The following LGR5 variants were observed in gnomAD, a reference collection of about 807,000 sequenced individuals.
The protein encoded by LGR5 is leucine rich repeat containing G protein-coupled receptor 5, also known as leucine-rich repeat-containing G protein-coupled receptor 5.
LGR5 carries 54 observed loss-of-function variants against 76.7 expected under a neutral mutation model. The observed-to-expected ratio is 0.70, with a 90% CI of 0.57 to 0.88. LGR5 has a LOEUF of 0.88. Ranked by LOEUF, LGR5 falls within the 40% of genes least tolerant of loss-of-function variation. The pLI is 0.00. For synonymous variants in LGR5, 406 were observed against 421.9 expected (o/e 0.96, Z 0.46); for missense variants, 1,078 against 1,073.3 (o/e 1.00, Z -0.06).
Position 71,448,084 on chromosome 12 carries a change from A to AACACACACACACACACACACACACAC in LGR5, c.212+7796_212+7821dup, listed in dbSNP as rs35911721. 1.6e-4 allele frequency among the ~76,000 whole-genome samples: 24 copies of AACACACACACACACACACACACACAC among 145,676 alleles called. 1 individual carries two copies. The highest frequency in any genetic ancestry group is 8.9e-4 in the South Asian group (4 of 4,490). On this transcript the variant is annotated intron_variant, in intron 1 of 17. Transcript: ENST00000266674. ...TCCTCGTCTCCCTCACACACACACA[A>AACACACACACACACACACACACACAC]ACACACACACACACACACACACACA...
chr12:71,473,981 G>A (rs1037949124), intron 1 of LGR5, among the ~76,000 whole-genome samples: 3 of 152,060 alleles, frequency 2.0e-5, no homozygotes, highest in Non-Finnish European at 2.9e-5. Context: ...GCTGAGTGTC[G>A]AATATTACTG....
intron 16 of LGR5, chr12:71,582,182 T>C (rs931916761): frequency 8.6e-5 from 30 of 349,576 alleles, no homozygotes; most frequent in Non-Finnish European, 1.4e-4. Flanking sequence ...GGGGACATCA[T>C]GAGCTGCAGG....
chr12:71,446,938 G>A (rs533764266), intron 1 of LGR5, among the ~76,000 whole-genome samples: 105 of 152,280 alleles, frequency 6.9e-4, no homozygotes, highest in African/African-American at 2.2e-3. Context: ...CCAGAGTATT[G>A]TGAAGAGGGA....
At chr12:71,548,187 T>A (rs923439475) in intron 4 of LGR5, among the ~76,000 whole-genome samples, 6 of 152,188 alleles carry the variant, frequency 3.9e-5, no homozygotes, top group Non-Finnish European at 8.8e-5. Context: ...ATGGCCAAGA[T>A]GCCAAGATCA....
chr12:71,535,277 G>A, intron 4 of LGR5, 91 bp downstream of exon 4: 1 of 847,566 alleles, frequency 1.2e-6, no homozygotes, highest in Non-Finnish European at 2.0e-6. Context: ...ATGTTCCTTG[G>A]TTGGGAGTCA....
intron 1 of LGR5, among the ~76,000 whole-genome samples, chr12:71,498,131 G>A (rs566889070): frequency 6.6e-6 from 1 of 152,132 alleles, no homozygotes. Flanking sequence ...ACCTTTCAAT[G>A]AATGAGAATC....
rs748908441 is a variant in LGR5 at position 71,585,198 on chromosome 12, A to G, written c.*464A>G. ...CATTGCTAGGTAGAGGCTGTGATCC[A>G]TGGGATTTCATTCTAATGACCATGT... is the stretch of plus-strand genomic sequence containing the variant. On this transcript the variant is annotated 3_prime_UTR_variant, in exon 18 of 18. Coordinates refer to ENST00000266674, the MANE Select transcript of LGR5 (RefSeq NM_003667.4). 2.5e-4 allele frequency: 39 copies of G among 156,946 alleles called. No individual in the cohort carries two copies. The highest frequency in any genetic ancestry group is 4.5e-4 in the Non-Finnish European group (32 of 70,920). The allele number at this position is 156,946 out of a possible 1,614,324, so 9.7% of individuals were successfully genotyped here.
At chr12:71,488,443 G>T (rs979564938) in intron 1 of LGR5, among the ~76,000 whole-genome samples, 4 of 152,106 alleles carry the variant, frequency 2.6e-5, no homozygotes, top group African/African-American at 9.7e-5. Context: ...AAATAGTATG[G>T]TCCCTTTCAA....
chr12:71,568,343 C>A (rs1878446918), intron 11 of LGR5, among the ~76,000 whole-genome samples: 1 of 152,148 alleles, frequency 6.6e-6, no homozygotes, highest in Admixed American at 6.6e-5. Flanking sequence ...AGCTCAGTTT[C>A]CCAGTCTATA....
At chr12:71,538,379 G>A (rs1287956680) in intron 4 of LGR5, among the ~76,000 whole-genome samples, 1 of 152,170 alleles carries the variant, frequency 6.6e-6, no homozygotes, top group African/African-American at 2.4e-5. Flanking sequence ...AGCTGGGCAT[G>A]GTGGCCTGCG....
intron 8 of LGR5, 49 bp downstream of exon 8, chr12:71,561,901 A>G (rs1174855451): frequency 9.4e-7 from 1 of 1,068,034 alleles, no homozygotes; most frequent in Non-Finnish European, 1.4e-6. Context: ...AATATAGCAT[A>G]TATTATACTT....
chr12:71,467,227 C>T (rs1371356821), intron 1 of LGR5, among the ~76,000 whole-genome samples: 1 of 152,000 alleles, frequency 6.6e-6, no homozygotes, highest in African/African-American at 2.4e-5. Flanking sequence ...TGTACTTTCC[C>T]CAGGACTCTA....
intron 1 of LGR5, among the ~76,000 whole-genome samples, chr12:71,497,131 T>C (rs960380761): frequency 6.6e-6 from 1 of 151,646 alleles, no homozygotes; most frequent in Non-Finnish European, 1.5e-5. Flanking sequence ...CTGGGCAACA[T>C]AGTGAGACCT....
chr12:71,572,122 C>T (rs1485480760), intron 12 of LGR5, among the ~76,000 whole-genome samples: 3 of 147,984 alleles, frequency 2.0e-5, no homozygotes, highest in African/African-American at 5.0e-5. Flanking sequence ...CTCGCTCTGT[C>T]GCCCAGGCCG....
At chr12:71,443,626 G>C (rs1023492716) in intron 1 of LGR5, among the ~76,000 whole-genome samples, 1 of 152,130 alleles carries the variant, frequency 6.6e-6, no homozygotes, top group Non-Finnish European at 1.5e-5. Context: ...TCTTAGTATA[G>C]GTAAGTTATT....
At chr12:71,497,676 T>C (rs902374232) in intron 1 of LGR5, among the ~76,000 whole-genome samples, 6 of 152,200 alleles carry the variant, frequency 3.9e-5, no homozygotes, top group Admixed American at 3.9e-4. Flanking sequence ...CCAGCCAAGA[T>C]CCATTGTTGT....
At chr12:71,514,252 T>A (rs542761902) in intron 2 of LGR5, among the ~76,000 whole-genome samples, 2 of 152,204 alleles carry the variant, frequency 1.3e-5, no homozygotes, top group Non-Finnish European at 2.9e-5. Flanking sequence ...GGAATTAAAA[T>A]TGAACTTCCT....
In LGR5 at chr12:71,440,363, G is replaced by A; in HGVS notation, c.212+71G>A. The A allele has an allele frequency of 6.7e-7, 1 of 1,483,820 alleles. No homozygotes were observed. Among genetic ancestry groups the A allele is most frequent in the Non-Finnish European group, 9.2e-7 (1 of 1,082,364 alleles). 91.9% of individuals were successfully genotyped at this position (1,483,820 alleles called of 1,614,324 possible). Reference sequence around the variant, plus strand: ...AGGAAGGTTCGTCCAAGGCGAGGCTGGAGGCTCCTCGGCGCCCGCCTGCTC... The same window carrying A: ...AGGAAGGTTCGTCCAAGGCGAGGCTAGAGGCTCCTCGGCGCCCGCCTGCTC... On this transcript the variant is annotated intron_variant, in intron 1 of 17. Transcript: ENST00000266674. This position sits in a 1 kb window ranked among gnomAD's most constrained non-coding sequence, Gnocchi z 5.3.
intron 2 of LGR5, among the ~76,000 whole-genome samples, 157 bp from the exon 3 acceptor site, chr12:71,524,249 A>G (rs537492929): frequency 1.3e-5 from 2 of 152,346 alleles, no homozygotes; most frequent in East Asian, 1.9e-4. Flanking sequence ...TTAGAAATTT[A>G]TAGATATTTT....
Sources: allele counts gnomAD v4.1 joint callset (sites outside exome capture counted in the v4.1 genomes callset), GRCh38; gene constraint gnomAD v4.1.1; non-coding constraint Gnocchi (gnomAD v3.1); transcripts MANE v1.5; gene names NCBI Gene and HGNC (gene_info 2026-07-23, HGNC 2026-07-21).